Variants in FIBCD1 observed in about 807,000 individuals in gnomAD.
FIBCD1 encodes fibrinogen C domain containing 1.
FIBCD1 carries 47 observed loss-of-function variants against 45.1 expected under a neutral mutation model. That is an observed-to-expected ratio of 1.04 (90% CI 0.82 to 1.33). The LOEUF is 1.33. Among genes scored for constraint, FIBCD1 ranks in the 40% most tolerant of loss-of-function variants. The probability of loss-of-function intolerance (pLI) is 0.00; values close to 1 mark genes in which losing one functional copy is unlikely to be tolerated. For missense variants in FIBCD1, 653 were observed against 682.2 expected (o/e 0.96, Z 0.48); for synonymous variants, 313 against 308.1 (o/e 1.02, Z -0.17).
intron 4 of FIBCD1, among the ~76,000 whole-genome samples, chr9:130,920,020 G>T (rs1402525312): frequency 6.6e-6 from 1 of 152,118 alleles, no homozygotes; most frequent in Non-Finnish European, 1.5e-5. Context: ...CTGAGCAGGG[G>T]CCCTCCTTCC....
intron 2 of FIBCD1, among the ~76,000 whole-genome samples, chr9:130,927,176 G>A (rs1832375474): frequency 6.6e-6 from 1 of 151,992 alleles, no homozygotes; most frequent in Admixed American, 6.6e-5. Context: ...CCAGGAGGTG[G>A]AGGTTGCAGT....
rs115662023 is a variant in FIBCD1 at position 130,911,600 on chromosome 9, C to G, written c.946+192G>C. On this transcript the variant is annotated intron_variant, in intron 5 of 6. Transcript: ENST00000372338. ...GGGAGCCCACCCACGCTGACACTTCCGTTGGCAATGTCTGGCCTCATTCCT... is the reference window on the plus strand; with the variant it reads ...GGGAGCCCACCCACGCTGACACTTCGGTTGGCAATGTCTGGCCTCATTCCT... Among the ~76,000 whole-genome samples, 15 of 152,354 alleles carry G rather than the reference C, an allele frequency of 9.8e-5. No homozygotes were observed. The South Asian group carries it at 1.7e-3, about 17-fold the overall frequency.
chr9:130,931,109 G>T (rs1377568248), intron 1 of FIBCD1, among the ~76,000 whole-genome samples: 1 of 152,110 alleles, frequency 6.6e-6, no homozygotes, highest in Non-Finnish European at 1.5e-5. Flanking sequence ...CCAACCCGCT[G>T]GGCCAGGTAG....
chr9:130,904,703 C>T (rs958464807), intron 6 of FIBCD1, among the ~76,000 whole-genome samples: 43 of 152,156 alleles, frequency 2.8e-4, no homozygotes, highest in African/African-American at 9.9e-4. Context: ...ACCCGAACCC[C>T]GGGTCTCCTG....
chr9:130,918,250 C>T (rs1832200079), intron 4 of FIBCD1, among the ~76,000 whole-genome samples: 1 of 152,238 alleles, frequency 6.6e-6, no homozygotes, highest in African/African-American at 2.4e-5. Flanking sequence ...GAGTGAGTCC[C>T]TCTGCTGGGG....
chr9:130,903,939 G>T lies in FIBCD1; in HGVS notation c.*125C>A. On this transcript the variant is annotated 3_prime_UTR_variant, in exon 7 of 7. Transcript: ENST00000372338. ...GGGAGCTTCGTGTCAGGGATGGCCC[G>T]GCCCCTCCCTACTGGAGAGTGGGTC... 7.6e-7 allele frequency: 1 copy of T among 1,312,006 alleles called. No individual in the cohort carries two copies. Among genetic ancestry groups the T allele is most frequent in the Non-Finnish European group, 1.1e-6 (1 of 930,410 alleles). 81.3% of individuals were successfully genotyped at this position (1,312,006 alleles called of 1,614,324 possible).
chr9:130,909,451 C>A (rs967832480), intron 5 of FIBCD1, among the ~76,000 whole-genome samples: 1 of 152,070 alleles, frequency 6.6e-6, no homozygotes, highest in Non-Finnish European at 1.5e-5. Context: ...TGACTGCTCC[C>A]GGGGGTACAG....
intron 5 of FIBCD1, among the ~76,000 whole-genome samples, chr9:130,907,300 C>G (rs1334327571): frequency 6.6e-6 from 1 of 152,154 alleles, no homozygotes; most frequent in Non-Finnish European, 1.5e-5. Flanking sequence ...CCTCTCCGTC[C>G]TTCCTCCAGT....
At chr9:130,911,747 G>A in intron 5 of FIBCD1, 45 bp downstream of exon 5, 3 of 1,538,258 alleles carry the variant, frequency 2.0e-6, no homozygotes, top group African/African-American at 2.7e-5. Context: ...CCGGAAGGCA[G>A]GGGGAGGAGG....
chr9:130,913,195 G>A (rs942983532), intron 4 of FIBCD1, among the ~76,000 whole-genome samples: 7 of 151,646 alleles, frequency 4.6e-5, no homozygotes, highest in Non-Finnish European at 7.4e-5. Context: ...AGGATCCGCT[G>A]ACAATCCGTC....
At chr9:130,930,217 G>A (rs1276709249) in intron 1 of FIBCD1, among the ~76,000 whole-genome samples, 171 bp from the exon 2 acceptor site, 3 of 152,212 alleles carry the variant, frequency 2.0e-5, no homozygotes, top group African/African-American at 7.2e-5. Context: ...AGGGGAGACA[G>A]AGAGACAGGG....
intron 1 of FIBCD1, among the ~76,000 whole-genome samples, chr9:130,930,358 G>A (rs1158159011): frequency 2.0e-5 from 3 of 151,032 alleles, no homozygotes; most frequent in Non-Finnish European, 4.4e-5. Context: ...GGAGATGCAG[G>A]GAGACACAGG....
Position 130,930,059 on chromosome 9 carries a change from C to T in FIBCD1, c.73-13G>A. 1 of 1,498,966 alleles carries T rather than the reference C, an allele frequency of 6.7e-7. No individual in the cohort carries two copies. Among genetic ancestry groups the T allele is most frequent in the Non-Finnish European group, 8.9e-7 (1 of 1,129,492 alleles). The allele number at this position is 1,498,966 out of a possible 1,614,324, so 92.9% of individuals were successfully genotyped here. On this transcript the variant is annotated splice_polypyrimidine_tract_variant and intron_variant, in intron 1 of 6. Coordinates refer to ENST00000372338, the MANE Select transcript of FIBCD1 (RefSeq NM_032843.5). ...CGCAGCTCGGCCGCTGCAGGCCCGC[C>T]CGGGACGCACAGACACAGACAGACA...
At position 130,911,868 on chromosome 9, in the gene FIBCD1, G is replaced by A. The variant is rs773144212; in HGVS notation, c.870C>T (p.Asp290=). ...GGWTVFQRRE[D]GSVNFFRGWD... is the part of the protein sequence containing the mutation. Reference sequence around the variant, plus strand: ...AGCCCCGGAAGAAGTTCACGGAGCCGTCCTCCCGGCGCTGAAACACCTGCA... The same window carrying A: ...AGCCCCGGAAGAAGTTCACGGAGCCATCCTCCCGGCGCTGAAACACCTGCA... The change falls in exon 5 of 7, where the codon GAC becomes GAT. Residue 290 remains aspartate (D), a synonymous_variant. Coordinates refer to ENST00000372338, the MANE Select transcript of FIBCD1 (RefSeq NM_032843.5). 21 of 1,592,022 alleles carry A rather than the reference G, an allele frequency of 1.3e-5. No homozygotes were observed. The highest frequency in any genetic ancestry group is 8.7e-5 in the Admixed American group (5 of 57,278).
At position 130,938,556 on chromosome 9, in the gene FIBCD1, G is replaced by T; in HGVS notation, c.52C>A (p.Arg18=). 6.7e-7 allele frequency: 1 copy of T among 1,490,238 alleles called. No homozygotes were observed. The allele number at this position is 1,490,238 out of a possible 1,614,324, so 92.3% of individuals were successfully genotyped here. A position where few individuals can be genotyped will look rare whatever the true frequency, so the allele number is the denominator to read the frequency against. Reference sequence around the variant, plus strand: ...CGTACCTGCGGCTTGTCGCGCGGCCGGTCCTCAAGTTGGGCAGCGCCGCCC... The same window carrying T: ...CGTACCTGCGGCTTGTCGCGCGGCCTGTCCTCAAGTTGGGCAGCGCCGCCC... The part of the protein sequence containing the change: ...TMGGAAQLED[R]PRDKPQRPSC... The change falls in exon 1 of 7, where the codon CGG becomes AGG. Residue 18 remains arginine, a synonymous_variant. Transcript: ENST00000372338.
At chr9:130,907,550 C>T (rs185994837) in intron 5 of FIBCD1, among the ~76,000 whole-genome samples, 1 of 152,316 alleles carries the variant, frequency 6.6e-6, no homozygotes, top group Non-Finnish European at 1.5e-5. Flanking sequence ...TTCACATGTC[C>T]ACCCCAGTGG....
intron 4 of FIBCD1, among the ~76,000 whole-genome samples, chr9:130,916,566 C>T (rs1237865920): frequency 6.6e-6 from 1 of 152,262 alleles, no homozygotes; most frequent in Non-Finnish European, 1.5e-5. Flanking sequence ...AATGTTTAGT[C>T]TGACTCTGAG....
chr9:130,923,696 A>G (rs1204230908), intron 4 of FIBCD1, 48 bp downstream of exon 4: 18 of 1,599,434 alleles, frequency 1.1e-5, no homozygotes, highest in Non-Finnish European at 1.4e-5. Flanking sequence ...ACACAGCCTC[A>G]CGGTCCCCGG....
At chr9:130,917,935 C>G (rs2133092916) in intron 4 of FIBCD1, among the ~76,000 whole-genome samples, 1 of 152,272 alleles carries the variant, frequency 6.6e-6, no homozygotes, top group South Asian at 2.1e-4. Flanking sequence ...TACCCAGACT[C>G]CAGCCAACAG....
Sources: allele counts gnomAD v4.1 joint callset (sites outside exome capture counted in the v4.1 genomes callset), GRCh38; gene constraint gnomAD v4.1.1; transcripts MANE v1.5; gene names NCBI Gene and HGNC (gene_info 2026-07-23, HGNC 2026-07-21).